ATF7IP2: variants seen among roughly 807,000 people sequenced by gnomAD.
ATF7IP2 encodes activating transcription factor 7 interacting protein 2, also known as activating transcription factor 7-interacting protein 2.
Under a neutral mutation model 64.2 loss-of-function variants are expected in ATF7IP2, and 42 were observed. The observed-to-expected ratio is 0.65, with a 90% CI of 0.51 to 0.85. The LOEUF (loss-of-function observed/expected upper bound fraction) is 0.85, where lower values mean the gene tolerates loss of function less well. Ranked by LOEUF, ATF7IP2 falls within the 40% of genes least tolerant of loss-of-function variation. The pLI is 0.00. For missense variants in ATF7IP2, 933 were observed against 784.2 expected, an observed-to-expected ratio of 1.19 and a Z score of -2.27; for synonymous variants, 308 against 272.8, an observed-to-expected ratio of 1.13 and a Z score of -1.27.
intron 9 of ATF7IP2, among the ~76,000 whole-genome samples, chr16:10,465,244 G>A (rs189306532): frequency 6.4e-4 from 97 of 152,310 alleles, no homozygotes; most frequent in Admixed American, 1.7e-3. Flanking sequence ...GTAAATGGCA[G>A]AGGCTGGATT....
At chr16:10,469,151 C>G (rs2049693743) in intron 9 of ATF7IP2, among the ~76,000 whole-genome samples, 1 of 152,086 alleles carries the variant, frequency 6.6e-6, no homozygotes, top group South Asian at 2.1e-4. Context: ...TATGACCTAT[C>G]AACAAGGAGA....
intron 9 of ATF7IP2, among the ~76,000 whole-genome samples, chr16:10,469,345 CATT>C (rs2049701740): frequency 6.6e-6 from 1 of 151,992 alleles, no homozygotes; most frequent in East Asian, 1.9e-4. Context: ...GTCTAATACA[CATT>C]ATTGGAGTAT....
intron 7 of ATF7IP2, 39 bp downstream of exon 7, chr16:10,438,274 AG>A (rs2048488649): frequency 1.3e-6 from 2 of 1,574,448 alleles, no homozygotes; most frequent in South Asian, 1.2e-5. Context: ...TTAGGGGAGT[AG>A]GGGGTGTTGT....
At chr16:10,479,841 T>C (rs1567181914) in intron 12 of ATF7IP2, among the ~76,000 whole-genome samples, 2 of 151,920 alleles carry the variant, frequency 1.3e-5, no homozygotes. Flanking sequence ...AAACAACAGA[T>C]GCTGGCGAGG....
At chr16:10,429,463 G>C (rs899946321) in intron 4 of ATF7IP2, among the ~76,000 whole-genome samples, 1 of 152,142 alleles carries the variant, frequency 6.6e-6, no homozygotes, top group Non-Finnish European at 1.5e-5. Flanking sequence ...TGATTCGCTT[G>C]CCTCGGCCTC....
At chr16:10,386,996 G>A (rs1231047010) in intron 1 of ATF7IP2, 6 of 152,146 alleles carry the variant, frequency 3.9e-5, no homozygotes, top group Admixed American at 6.5e-5. Flanking sequence ...CTGTTCTGAA[G>A]ACTTGCATAT....
At chr16:10,478,035 T>C (rs531426787) in intron 12 of ATF7IP2, among the ~76,000 whole-genome samples, 8 of 151,140 alleles carry the variant, frequency 5.3e-5, no homozygotes, top group Admixed American at 2.6e-4. Flanking sequence ...CATTCCATGC[T>C]CATGGGTAGG....
chr16:10,416,118 G>A (rs563333833), intron 2 of ATF7IP2, among the ~76,000 whole-genome samples: 1 of 152,308 alleles, frequency 6.6e-6, no homozygotes, highest in South Asian at 2.1e-4. Context: ...CAAATGAAAG[G>A]AAATCAGTAT....
intron 7 of ATF7IP2, among the ~76,000 whole-genome samples, chr16:10,439,195 T>C (rs2048524531): frequency 6.6e-6 from 1 of 152,212 alleles, no homozygotes; most frequent in African/African-American, 2.4e-5. Context: ...ACCACATTAA[T>C]TTTATTGTAG....
At chr16:10,472,784 A>C (rs1435177948) in intron 10 of ATF7IP2, among the ~76,000 whole-genome samples, 1 of 150,142 alleles carries the variant, frequency 6.7e-6, no homozygotes, top group Non-Finnish European at 1.5e-5. Context: ...TGAACCTTGG[A>C]GGCAGAGACT....
intron 8 of ATF7IP2, among the ~76,000 whole-genome samples, chr16:10,455,618 C>G (rs891080114): frequency 2.0e-5 from 3 of 152,146 alleles, no homozygotes; most frequent in Admixed American, 6.5e-5. Context: ...TGCATAGAGA[C>G]TAGAGGAGTT....
At chr16:10,477,836 A>G (rs2050068471) in intron 12 of ATF7IP2, among the ~76,000 whole-genome samples, 1 of 152,042 alleles carries the variant, frequency 6.6e-6, no homozygotes. Flanking sequence ...TACAAAAATC[A>G]CAAGCATACT....
chr16:10,481,194 G>A (rs117634691), intron 13 of ATF7IP2, among the ~76,000 whole-genome samples: 12 of 152,300 alleles, frequency 7.9e-5, no homozygotes, highest in Non-Finnish European at 1.6e-4. Context: ...AGAAGCAATA[G>A]CCATTGTTGA....
intron 3 of ATF7IP2, among the ~76,000 whole-genome samples, chr16:10,423,708 G>A (rs1006858783): frequency 2.6e-5 from 4 of 152,100 alleles, no homozygotes; most frequent in African/African-American, 4.8e-5. Context: ...TTAGCTGGCC[G>A]ACAAACCTGC....
intron 12 of ATF7IP2, among the ~76,000 whole-genome samples, chr16:10,477,820 T>G (rs2050067776): frequency 6.6e-6 from 1 of 152,048 alleles, no homozygotes; most frequent in Admixed American, 6.5e-5. Flanking sequence ...GGATACAAAA[T>G]CAATGTACAA....
intron 8 of ATF7IP2, among the ~76,000 whole-genome samples, chr16:10,442,275 C>T (rs138733177): frequency 6.6e-6 from 1 of 152,158 alleles, no homozygotes; most frequent in Non-Finnish European, 1.5e-5. Context: ...CTTGTTTGTT[C>T]CTAACAATTT....
In ATF7IP2 at chr16:10,398,203, C is replaced by T. The variant is rs148908825; in HGVS notation, c.-242+12081C>T. ...CCTGTAATCCCAGCAACTCGGGAGG[C>T]TGAGGCAGGAGAATTGCTTGAACCC... On this transcript the variant is annotated intron_variant, in intron 1 of 13. Transcript: ENST00000562102. Among the ~76,000 whole-genome samples the T allele has an allele frequency of 1.9e-3, 287 of 152,036 alleles. 2 individuals are homozygous for T. The East Asian group carries it at 0.023, about 12-fold the overall frequency.
In ATF7IP2 at chr16:10,391,865, C is replaced by T. The variant is rs558945175; in HGVS notation, c.-242+5743C>T. 3.3e-5 allele frequency among the ~76,000 whole-genome samples: 5 copies of T among 150,662 alleles called. 1 individual carries two copies. Among genetic ancestry groups the T allele is most frequent in the African/African-American group, 1.2e-4 (5 of 40,944 alleles). On this transcript the variant is annotated intron_variant, in intron 1 of 13. Transcript: ENST00000562102. ...GAGCTGAGATCGTGCCACTGCCTTTCAGCCTGGGTGACAGAGTGAGATTCT... is the reference window on the plus strand; with the variant it reads ...GAGCTGAGATCGTGCCACTGCCTTTTAGCCTGGGTGACAGAGTGAGATTCT...
At position 10,387,641 on chromosome 16, in the gene ATF7IP2, A is replaced by G. The variant is rs372017292; in HGVS notation, c.-242+1519A>G. 7.2e-5 allele frequency: 11 copies of G among 152,324 alleles called. No individual in the cohort carries two copies. The East Asian group carries it at 1.3e-3, about 19-fold the overall frequency. The allele number at this position is 152,324 out of a possible 1,614,324, so 9.4% of individuals were successfully genotyped here. Reference sequence around the variant, plus strand: ...CTGCACCTTTGCTTCTGCATATATCATAGCTCTCTTATAGTGAGTGTGCAC... The same window carrying G: ...CTGCACCTTTGCTTCTGCATATATCGTAGCTCTCTTATAGTGAGTGTGCAC... On this transcript the variant is annotated intron_variant, in intron 1 of 13. Coordinates refer to ENST00000562102, the MANE Select transcript of ATF7IP2 (RefSeq NM_001393719.1).
Sources: allele counts gnomAD v4.1 joint callset (sites outside exome capture counted in the v4.1 genomes callset), GRCh38; gene constraint gnomAD v4.1.1; transcripts MANE v1.5; gene names NCBI Gene and HGNC (gene_info 2026-07-23, HGNC 2026-07-21).